Variants in CRPPA observed in about 807,000 individuals in gnomAD.
CRPPA encodes CDP-L-ribitol pyrophosphorylase A, also known as D-ribitol-5-phosphate cytidylyltransferase.
Under a neutral mutation model 52.0 loss-of-function variants are expected in CRPPA, and 43 were observed. That is an observed-to-expected ratio of 0.83 (90% CI 0.65 to 1.07). The LOEUF (loss-of-function observed/expected upper bound fraction) is 1.07, where lower values mean the gene tolerates loss of function less well. Ranked by LOEUF, CRPPA falls within the 50% of genes least tolerant of loss-of-function variation. The probability of loss-of-function intolerance (pLI) is 0.00; values close to 1 mark genes in which losing one functional copy is unlikely to be tolerated. For missense variants in CRPPA, 629 were observed against 551.7 expected, an observed-to-expected ratio of 1.14 and a Z score of -1.40; for synonymous variants, 250 against 203.5, an observed-to-expected ratio of 1.23 and a Z score of -1.94.
intron 8 of CRPPA, among the ~76,000 whole-genome samples, chr7:16,243,053 T>C (rs1266149796): frequency 6.6e-6 from 1 of 152,132 alleles, no homozygotes; most frequent in African/African-American, 2.4e-5. Context: ...AAATTGTAAT[T>C]CCCACATGTC....
chr7:16,215,623 A>G (rs1782283271), intron 9 of CRPPA, among the ~76,000 whole-genome samples: 1 of 152,250 alleles, frequency 6.6e-6, no homozygotes, highest in African/African-American at 2.4e-5. Context: ...TATCTTTAAC[A>G]TAACATAAAA....
chr7:16,336,420 G>T (rs1050072726), intron 3 of CRPPA, among the ~76,000 whole-genome samples: 4 of 152,042 alleles, frequency 2.6e-5, no homozygotes, highest in Non-Finnish European at 5.9e-5. Flanking sequence ...TCACCTTAAA[G>T]TAGGCCTAGT....
rs1277166518 is a variant in CRPPA at position 16,254,812 on chromosome 7, A to G, written c.1119+3578T>C. 2.2e-3 allele frequency among the ~76,000 whole-genome samples: 324 copies of G among 147,120 alleles called. 1 individual carries two copies. The highest frequency in any genetic ancestry group is 7.8e-3 in the African/African-American group (311 of 40,056). ...AAGAAGGAAAGAAAGAAAGAAAGAAAGAAAGAAAGAAAGAAAGAAAGAAAG... is the reference window on the plus strand; with the variant it reads ...AAGAAGGAAAGAAAGAAAGAAAGAAGGAAAGAAAGAAAGAAAGAAAGAAAG... On this transcript the variant is annotated intron_variant, in intron 8 of 9. Coordinates refer to ENST00000407010, the MANE Select transcript of CRPPA (RefSeq NM_001101426.4).
chr7:16,149,497 A>G (rs1783034237), intron 9 of CRPPA, among the ~76,000 whole-genome samples: 1 of 152,196 alleles, frequency 6.6e-6, no homozygotes, highest in South Asian at 2.1e-4. Context: ...GAGAAATTCT[A>G]ACAATACACA....
At chr7:16,369,640 CA>C (rs1441536182) in intron 3 of CRPPA, among the ~76,000 whole-genome samples, 1 of 152,078 alleles carries the variant, frequency 6.6e-6, no homozygotes, top group Admixed American at 6.5e-5. Context: ...ATCTAATAAG[CA>C]AAACTAAAGC....
chr7:16,165,055 C>G (rs2109368), intron 9 of CRPPA, among the ~76,000 whole-genome samples: 126,169 of 152,038 alleles, frequency 0.83, 52,855 homozygotes, highest in Admixed American at 0.89. Flanking sequence ...GCTACCTTCA[C>G]AGCTGGCAGG....
chr7:16,162,774 G>A (rs1254446616), intron 9 of CRPPA, among the ~76,000 whole-genome samples: 1 of 151,960 alleles, frequency 6.6e-6, no homozygotes, highest in Admixed American at 6.6e-5. Context: ...ATTGACAGTG[G>A]GGTGTTAAAG....
chr7:16,310,505 C>A (rs2023935), intron 3 of CRPPA, among the ~76,000 whole-genome samples: 5,821 of 152,014 alleles, frequency 0.038, 276 homozygotes, highest in Admixed American at 0.14. Flanking sequence ...TCGAGAAAAT[C>A]GAAACTGCAA....
rs533339753 is a variant in CRPPA, at chr7:16,380,601, C to T, written c.535-4360G>A. Among the ~76,000 whole-genome samples, 3 of 152,274 alleles carry T rather than the reference C, an allele frequency of 2.0e-5. No individual in the cohort carries two copies. In the East Asian group the frequency reaches 5.8e-4, roughly 29 times the overall value. On this transcript the variant is annotated intron_variant, in intron 2 of 9. Coordinates refer to ENST00000407010, the MANE Select transcript of CRPPA (RefSeq NM_001101426.4). ...TCCTTGTACCTCTGGTAGAATTCGG[C>T]TGTGAATCCATCTGGTCCTGGACTC... is the stretch of plus-strand genomic sequence containing the variant.
chr7:16,265,306 T>C lies in CRPPA; in HGVS notation c.934-6294A>G, dbSNP rs117570395. Among the ~76,000 whole-genome samples, 100 of 152,312 alleles carry C rather than the reference T, an allele frequency of 6.6e-4. 1 individual carries two copies. The East Asian group carries it at 0.016, about 24-fold the overall frequency. On this transcript the variant is annotated intron_variant, in intron 6 of 9. Coordinates refer to ENST00000407010, the MANE Select transcript of CRPPA (RefSeq NM_001101426.4). The stretch of plus-strand genomic sequence containing the variant: ...AATCCTAGATGCTGGGTAGGCAGAA[T>C]AGTACTATAACCAAGGTTCTGAGAC...
At chr7:16,341,913 T>C (rs901477808) in intron 3 of CRPPA, among the ~76,000 whole-genome samples, 4 of 152,172 alleles carry the variant, frequency 2.6e-5, no homozygotes, top group Admixed American at 2.0e-4. Flanking sequence ...ATTCTATTTC[T>C]TTCTCTAGTC....
intron 9 of CRPPA, among the ~76,000 whole-genome samples, chr7:16,189,196 A>G (rs1210316680): frequency 1.3e-5 from 2 of 152,088 alleles, no homozygotes; most frequent in East Asian, 1.9e-4. Flanking sequence ...AGTGTGACTC[A>G]GGCTATCTTA....
intron 2 of CRPPA, among the ~76,000 whole-genome samples, chr7:16,387,839 C>T (rs1026516536): frequency 2.6e-5 from 4 of 152,078 alleles, no homozygotes; most frequent in African/African-American, 9.7e-5. Context: ...AGCAGAATAC[C>T]TATTTGAAGT....
intron 9 of CRPPA, among the ~76,000 whole-genome samples, chr7:16,141,336 A>G (rs1782865892): frequency 6.6e-6 from 1 of 152,230 alleles, no homozygotes. Context: ...ATATTTAATC[A>G]ACACTCAGCA....
intron 1 of CRPPA, among the ~76,000 whole-genome samples, chr7:16,415,827 G>GTA (rs1343944639): frequency 6.6e-6 from 1 of 152,160 alleles, no homozygotes; most frequent in Non-Finnish European, 1.5e-5. Context: ...AAATGTATGT[G>GTA]TAAGTGGCAG....
At chr7:16,254,301 C>T (rs942293924) in intron 8 of CRPPA, among the ~76,000 whole-genome samples, 17 of 152,026 alleles carry the variant, frequency 1.1e-4, no homozygotes, top group African/African-American at 2.4e-4. Context: ...ATGTTTATTG[C>T]GGCACTATTC....
chr7:16,157,872 CT>C (rs200543846), intron 9 of CRPPA, among the ~76,000 whole-genome samples: 46 of 146,410 alleles, frequency 3.1e-4, no homozygotes, highest in African/African-American at 6.5e-4. Context: ...GTAGATATTT[CT>C]TTTTTTTTTT....
intron 9 of CRPPA, among the ~76,000 whole-genome samples, chr7:16,116,818 T>G (rs985730251): frequency 1.3e-5 from 2 of 151,962 alleles, no homozygotes; most frequent in African/African-American, 2.4e-5. Flanking sequence ...AAAAAGCGTA[T>G]CAGAGGAACA....
At chr7:16,393,357 G>C (rs749755270) in intron 2 of CRPPA, among the ~76,000 whole-genome samples, 9 of 152,104 alleles carry the variant, frequency 5.9e-5, no homozygotes, top group Non-Finnish European at 1.2e-4. Context: ...AGTTATTAGA[G>C]AGCTGTCTCA....
Sources: gnomAD v4.1 joint callset for allele counts (sites outside exome capture counted in the v4.1 genomes callset) on GRCh38, gnomAD v4.1.1 for gene constraint, MANE v1.5 for transcripts, NCBI Gene and HGNC (gene_info 2026-07-23, HGNC 2026-07-21) for gene names.